RXRA: variants seen among roughly 807,000 people sequenced by gnomAD.
RXRA encodes the protein retinoid X receptor alpha, also known as retinoic acid receptor RXR-alpha.
A neutral mutation model predicts 44.5 loss-of-function variants in RXRA; 5 were observed. The observed-to-expected ratio is 0.11, with a 90% confidence interval of 0.06 to 0.24. RXRA has a LOEUF of 0.24. RXRA is among the 10% of genes least tolerant of loss of function. The probability of loss-of-function intolerance (pLI) is 1.00; values close to 1 mark genes in which losing one functional copy is unlikely to be tolerated. For synonymous variants in RXRA, 291 were observed against 271.4 expected, an observed-to-expected ratio of 1.07 and a Z score of -0.71; for missense variants, 412 against 646.5, an observed-to-expected ratio of 0.64 and a Z score of 3.93.
At chr9:134,427,074 C>T in intron 6 of RXRA, 1 of 981,432 alleles carries the variant, frequency 1.0e-6, no homozygotes, top group Non-Finnish European at 1.2e-6. Context: ...CTTCCCCTCC[C>T]TGGGCCACAG....
chr9:134,432,053 C>T lies in RXRA; in HGVS notation c.1135+57C>T, dbSNP rs918939387. The T allele has an allele frequency of 9.5e-6, 13 of 1,367,084 alleles. No homozygotes were observed. The African/African-American group carries it at 1.0e-4, about 10-fold the overall frequency. 84.7% of individuals were successfully genotyped at this position (1,367,084 alleles called of 1,614,324 possible). A position where few individuals can be genotyped will look rare whatever the true frequency, so the allele number is the denominator to read the frequency against. ...CCGTTCTCTGGTGGGGCAGAGGTGC[C>T]TGGGCCTCCTCCTGGCTGTACTTCT... is the stretch of plus-strand genomic sequence containing the variant. On this transcript the variant is annotated intron_variant, in intron 8 of 9. Transcript: ENST00000481739.
intron 1 of RXRA, among the ~76,000 whole-genome samples, chr9:134,394,160 GGTGGTGATC>G (rs1830841095): frequency 8.8e-5 from 1 of 11,340 alleles, no homozygotes; most frequent in Non-Finnish European, 1.8e-4. Flanking sequence ...TGTTGGTGAT[GGTGGTGATC>G]ATGGTGGTGA....
At chr9:134,352,370 G>A (rs966841766) in intron 1 of RXRA, among the ~76,000 whole-genome samples, 1 of 152,112 alleles carries the variant, frequency 6.6e-6, no homozygotes, top group African/African-American at 2.4e-5. Context: ...CCCTGGATGA[G>A]TCTGGGGCAT....
Position 134,342,487 on chromosome 9 carries a change from C to G in RXRA, c.28+15828C>G, listed in dbSNP as rs1830097448. On this transcript the variant is annotated intron_variant, in intron 1 of 9. Transcript: ENST00000481739. This position sits in a 1 kb window ranked among gnomAD's most constrained non-coding sequence, Gnocchi z 4.4. ...CAGGGGTCCCCCAGGTGGTCAGGCC[C>G]CAGAGGCTTGCACTTGGGATGGCGT... 6.6e-6 allele frequency among the ~76,000 whole-genome samples: 1 copy of G among 152,190 alleles called. No individual in the cohort carries two copies. The highest frequency in any genetic ancestry group is 2.4e-5 in the African/African-American group (1 of 41,434).
At chr9:134,395,403 C>T (rs1269182166) in intron 1 of RXRA, among the ~76,000 whole-genome samples, 1 of 152,276 alleles carries the variant, frequency 6.6e-6, no homozygotes, top group Non-Finnish European at 1.5e-5. Context: ...TGGGGCATCT[C>T]TGCATGTGTC....
chr9:134,350,353 A>G (rs1205187279), intron 1 of RXRA, among the ~76,000 whole-genome samples: 2 of 152,148 alleles, frequency 1.3e-5, no homozygotes, highest in Non-Finnish European at 2.9e-5. Context: ...TGCCCCTCCA[A>G]GCCTCAGTTT....
At chr9:134,400,754 G>A (rs1207819538) in intron 1 of RXRA, among the ~76,000 whole-genome samples, 1 of 152,204 alleles carries the variant, frequency 6.6e-6, no homozygotes, top group African/African-American at 2.4e-5. Context: ...GAGTGTGGGA[G>A]GTCCCAGCCT....
chr9:134,435,192 A>T (rs971383297), intron 9 of RXRA, among the ~76,000 whole-genome samples: 1 of 152,332 alleles, frequency 6.6e-6, no homozygotes, highest in South Asian at 2.1e-4. Context: ...AGACTTCGTT[A>T]ATAATTAATG....
chr9:134,413,075 G>A (rs982846297), intron 4 of RXRA, among the ~76,000 whole-genome samples: 3 of 152,078 alleles, frequency 2.0e-5, no homozygotes, highest in African/African-American at 7.2e-5. Flanking sequence ...GCCCCGGCTG[G>A]GCTCGAGTGT....
At position 134,375,890 on chromosome 9, in the gene RXRA, G is replaced by A. The variant is rs549120146; in HGVS notation, c.29-25742G>A. On this transcript the variant is annotated intron_variant, in intron 1 of 9. Coordinates refer to ENST00000481739, the MANE Select transcript of RXRA (RefSeq NM_002957.6). ...AAACAACAAACACCACGTGCCCTGCGACTCGATGGCAGAGGCCACGTAGAG... is the reference window on the plus strand; with the variant it reads ...AAACAACAAACACCACGTGCCCTGCAACTCGATGGCAGAGGCCACGTAGAG... 2.0e-5 allele frequency among the ~76,000 whole-genome samples: 3 copies of A among 151,842 alleles called. No homozygotes were observed. The South Asian group carries it at 6.2e-4, about 32-fold the overall frequency.
chr9:134,421,931 C>T, intron 6 of RXRA, 126 bp downstream of exon 6: 5 of 1,523,538 alleles, frequency 3.3e-6, no homozygotes, highest in Non-Finnish European at 4.4e-6. Context: ...CTCCCCCCTC[C>T]CAGGACCCAC....
At chr9:134,435,626 G>A (rs117576806) in intron 9 of RXRA, among the ~76,000 whole-genome samples, 3,283 of 152,260 alleles carry the variant, frequency 0.022, 64 homozygotes, top group Admixed American at 0.049. Context: ...GTCTTGCACC[G>A]TTACACAGCT....
chr9:134,357,502 C>G (rs758962791), intron 1 of RXRA, among the ~76,000 whole-genome samples: 40 of 152,114 alleles, frequency 2.6e-4, no homozygotes, highest in Non-Finnish European at 5.0e-4. Flanking sequence ...GTCCGTATGT[C>G]TACGAGGACT....
At chr9:134,402,015 T>A in intron 2 of RXRA, 133 bp downstream of exon 2, 2 of 769,788 alleles carry the variant, frequency 2.6e-6, no homozygotes, top group African/African-American at 1.8e-5. Flanking sequence ...ACGCAGAGTA[T>A]ACAGAGCCTC....
In RXRA at chr9:134,420,594, C is replaced by T. The variant is rs34688312; in HGVS notation, c.781-1082C>T. On this transcript the variant is annotated intron_variant, in intron 5 of 9. Coordinates refer to ENST00000481739, the MANE Select transcript of RXRA (RefSeq NM_002957.6). ...CGCCGGGCGCTGCGTTTAGGCTGCA[C>T]GTCTCTGATGAGCAGATGGTTGCTG... Among the ~76,000 whole-genome samples, 4 of 152,366 alleles carry T rather than the reference C, an allele frequency of 2.6e-5. No individual in the cohort carries two copies. The East Asian group carries it at 5.8e-4, about 22-fold the overall frequency.
chr9:134,402,313 G>A (rs188808967), intron 2 of RXRA: 78 of 175,578 alleles, frequency 4.4e-4, no homozygotes, highest in Admixed American at 1.7e-3. Flanking sequence ...CAGGGAAGGC[G>A]TGTTCGGGCT....
At chr9:134,369,667 G>C (rs1830466870) in intron 1 of RXRA, among the ~76,000 whole-genome samples, 1 of 152,004 alleles carries the variant, frequency 6.6e-6, no homozygotes, top group Non-Finnish European at 1.5e-5. Context: ...GTGGGCATGG[G>C]AGTCATGGGC....
At chr9:134,401,418 G>A in intron 1 of RXRA, 1 of 715,674 alleles carries the variant, frequency 1.4e-6, no homozygotes, top group South Asian at 1.8e-5. Context: ...GCCGGGGTCA[G>A]GCGCAGAACA....
At chr9:134,427,248 G>A (rs970687401) in intron 6 of RXRA, 365 of 833,568 alleles carry the variant, frequency 4.4e-4, no homozygotes, top group Non-Finnish European at 5.0e-4. Context: ...CGGCTGGCTC[G>A]GCTGAGCCCT....
Sources: allele counts gnomAD v4.1 joint callset (sites outside exome capture counted in the v4.1 genomes callset), GRCh38; gene constraint gnomAD v4.1.1; non-coding constraint Gnocchi (gnomAD v3.1); transcripts MANE v1.5; gene names NCBI Gene and HGNC (gene_info 2026-07-23, HGNC 2026-07-21).